OTOA: variants seen among roughly 807,000 people sequenced by gnomAD.
OTOA encodes otoancorin, also known as cancer/testis antigen 108.
A neutral mutation model predicts 110.8 loss-of-function variants in OTOA; 70 were observed. The ratio of observed to expected loss-of-function variants is 0.63; its 90% CI spans 0.52 to 0.77. The LOEUF (loss-of-function observed/expected upper bound fraction) is 0.77, where lower values mean the gene tolerates loss of function less well. OTOA is among the 30% of genes least tolerant of loss of function. OTOA has a pLI of 0.00. For synonymous variants in OTOA, 373 were observed against 431.5 expected (o/e 0.86, Z 1.68); for missense variants, 917 against 1,075.8 (o/e 0.85, Z 2.06).
chr16:21,701,345 C>T (rs1328518924), intron 11 of OTOA, among the ~76,000 whole-genome samples: 1 of 152,148 alleles, frequency 6.6e-6, no homozygotes, highest in African/African-American at 2.4e-5. Context: ...GGGTCCTGTT[C>T]CAAAGTGAAT....
intron 5 of OTOA, 95 bp from the exon 6 acceptor site, chr16:21,681,643 C>A: frequency 1.0e-6 from 1 of 979,058 alleles, no homozygotes; most frequent in Non-Finnish European, 1.6e-6. Context: ...CACCCCTGGT[C>A]CATCCCTACC....
At chr16:21,750,079 T>C (rs1421866194) in intron 24 of OTOA, among the ~76,000 whole-genome samples, 3 of 152,288 alleles carry the variant, frequency 2.0e-5, no homozygotes, top group Non-Finnish European at 4.4e-5. Flanking sequence ...CATGTTTAGT[T>C]ACAAGTGGCA....
intron 11 of OTOA, 143 bp downstream of exon 11, chr16:21,701,170 G>A (rs1898045952): frequency 8.0e-7 from 1 of 1,252,608 alleles, no homozygotes; most frequent in Non-Finnish European, 1.1e-6. Flanking sequence ...CTCTGTGCAT[G>A]TGAGGAGAGG....
At chr16:21,684,741 ATTATTATTATTATTATTATTATTATTT>A (rs967345842) in intron 6 of OTOA, among the ~76,000 whole-genome samples, 1 of 63,826 alleles carries the variant, frequency 1.6e-5, no homozygotes, top group African/African-American at 4.1e-5. Context: ...TATTATTATT[ATTATTATTATTATTATTATTATTATTT>A]TTTAGGTGGA....
intron 15 of OTOA, 142 bp from the exon 16 acceptor site, chr16:21,718,991 C>T: frequency 1.2e-6 from 1 of 814,688 alleles, no homozygotes; most frequent in Non-Finnish European, 2.1e-6. Flanking sequence ...ATGGTCTAGT[C>T]CTAGGTAACT....
chr16:21,681,920 G>A, intron 6 of OTOA, 95 bp downstream of exon 6: 1 of 1,151,222 alleles, frequency 8.7e-7, no homozygotes. Flanking sequence ...GCTGGATGTA[G>A]AGATAGTCTT....
chr16:21,675,136 C>A (rs540025747), intron 1 of OTOA, among the ~76,000 whole-genome samples: 2 of 94,434 alleles, frequency 2.1e-5, no homozygotes, highest in Non-Finnish European at 4.6e-5. Context: ...TCTTTCTTTC[C>A]TTCTTTCTTT....
chr16:21,714,718 G>A (rs992325351), intron 13 of OTOA, among the ~76,000 whole-genome samples: 3 of 151,966 alleles, frequency 2.0e-5, no homozygotes, highest in Admixed American at 1.3e-4. Context: ...CACCATGTTG[G>A]CCAGGTGGTC....
intron 22 of OTOA, among the ~76,000 whole-genome samples, chr16:21,738,005 GCA>G (rs1899390398): frequency 6.6e-6 from 1 of 152,302 alleles, no homozygotes; most frequent in South Asian, 2.1e-4. Context: ...ATGGAGGGTA[GCA>G]AGACAATAAA....
intron 1 of OTOA, among the ~76,000 whole-genome samples, chr16:21,673,213 G>A (rs1966851643): frequency 6.6e-6 from 1 of 152,110 alleles, no homozygotes; most frequent in East Asian, 1.9e-4. Context: ...GAAATATCCT[G>A]TGTACTCTTC....
intron 10 of OTOA, among the ~76,000 whole-genome samples, chr16:21,698,102 G>A (rs1426695780): frequency 6.6e-6 from 1 of 152,178 alleles, no homozygotes; most frequent in Non-Finnish European, 1.5e-5. Context: ...AAAAAGAATT[G>A]TGGACAACTA....
At chr16:21,708,642 A>C (rs961432720) in intron 12 of OTOA, among the ~76,000 whole-genome samples, 1 of 152,166 alleles carries the variant, frequency 6.6e-6, no homozygotes, top group Non-Finnish European at 1.5e-5. Flanking sequence ...TAGGTAAGGC[A>C]GTTGCCGAAC....
At chr16:21,758,407 C>T (rs1900062938) in intron 28 of OTOA, among the ~76,000 whole-genome samples, 1 of 149,056 alleles carries the variant, frequency 6.7e-6, no homozygotes, top group Admixed American at 6.7e-5. Context: ...GGTCAGGAAA[C>T]CTCCTAAAGT....
intron 17 of OTOA, chr16:21,721,594 T>C: frequency 2.3e-6 from 1 of 428,624 alleles, no homozygotes; most frequent in Non-Finnish European, 4.8e-6. Flanking sequence ...TTTTCTTTTA[T>C]ATATAAAATA....
chr16:21,667,290 G>A (rs540140590), intron 1 of OTOA, among the ~76,000 whole-genome samples: 52 of 152,328 alleles, frequency 3.4e-4, no homozygotes, highest in African/African-American at 1.1e-3. Flanking sequence ...GGTTGTGGAG[G>A]TCCCCTTGGG....
At position 21,685,371 on chromosome 16, in the gene OTOA, C is replaced by T. The variant is rs1373905267; in HGVS notation, c.399+10C>T. On this transcript the variant is annotated intron_variant, in intron 7 of 28. Coordinates refer to ENST00000646100, the MANE Select transcript of OTOA (RefSeq NM_144672.4). ...CAAGAAGGACGGCTTGGTGAGGAGC[C>T]CTTGGCATCCCGGGGATAGAGGAAG... 6.2e-7 allele frequency: 1 copy of T among 1,609,592 alleles called. No individual in the cohort carries two copies. Among genetic ancestry groups the T allele is most frequent in the Non-Finnish European group, 8.5e-7 (1 of 1,177,400 alleles).
At chr16:21,681,685 G>T in intron 5 of OTOA, 53 bp from the exon 6 acceptor site, 6 of 1,500,426 alleles carry the variant, frequency 4.0e-6, no homozygotes, top group Non-Finnish European at 5.6e-6. Context: ...GTACAGTAGT[G>T]CTTGTAGGAG....
At chr16:21,668,494 C>G (rs1966845012) in intron 1 of OTOA, among the ~76,000 whole-genome samples, 1 of 127,034 alleles carries the variant, frequency 7.9e-6, no homozygotes, top group South Asian at 2.5e-4. Flanking sequence ...GAGTTTCACT[C>G]TTGTCATCCA....
chr16:21,723,050 T>C (rs1898808182), intron 18 of OTOA, 72 bp downstream of exon 18: 1 of 1,511,078 alleles, frequency 6.6e-7, no homozygotes, highest in Admixed American at 1.7e-5. Context: ...TCAAAATGAT[T>C]CTCTCCCCAC....
Sources: gnomAD v4.1 joint callset for allele counts (sites outside exome capture counted in the v4.1 genomes callset) on GRCh38, gnomAD v4.1.1 for gene constraint, MANE v1.5 for transcripts, NCBI Gene and HGNC (gene_info 2026-07-23, HGNC 2026-07-21) for gene names.